SUPT16H: variants seen among roughly 807,000 people sequenced by gnomAD.
SUPT16H encodes SPT16 homolog, facilitates chromatin remodeling subunit.
A neutral mutation model predicts 136.2 loss-of-function variants in SUPT16H; 24 were observed. The ratio of observed to expected loss-of-function variants is 0.18; its 90% CI spans 0.13 to 0.25. The LOEUF is 0.25. Ranked by LOEUF, SUPT16H falls within the 10% of genes least tolerant of loss-of-function variation. The pLI is 1.00. For missense variants in SUPT16H, 623 were observed against 1,270.2 expected (o/e 0.49, Z 7.74); for synonymous variants, 415 against 428.2 (o/e 0.97, Z 0.38).
chr14:21,373,762 T>C (rs1886838086), intron 1 of SUPT16H, among the ~76,000 whole-genome samples: 1 of 152,136 alleles, frequency 6.6e-6, no homozygotes, highest in South Asian at 2.1e-4. Context: ...AGTTTGACTC[T>C]TGTTGCCCAG....
chr14:21,375,116 C>A (rs1357349905), intron 1 of SUPT16H, among the ~76,000 whole-genome samples: 1 of 151,964 alleles, frequency 6.6e-6, no homozygotes, highest in South Asian at 2.1e-4. Flanking sequence ...TAGGTTCAAG[C>A]GATTCTTGTG....
intron 1 of SUPT16H, 181 bp downstream of exon 1, chr14:21,383,681 G>A (rs774430089): frequency 1.4e-6 from 1 of 734,478 alleles, no homozygotes; most frequent in Non-Finnish European, 2.5e-6. Flanking sequence ...GAATGCGGGG[G>A]ATTCCCTGTT....
At position 21,363,298 on chromosome 14, in the gene SUPT16H, T is replaced by C; in HGVS notation, c.1330A>G (p.Lys444Glu). ...CCCAAAAGGTCCTCTGCCTCATCTT[T>C]CTCCTCCTCCTCTTCTTCCTCATCT... ...NEDEEEEEEE[K>E]DEAEDLLGRG... is the part of the protein sequence containing the mutation. Residue 444 changes from lysine (K) to glutamate (E), a missense_variant, in exon 12 of 26, where the codon AAA (lysine) becomes GAA (glutamate). Lys to Glu is a moderately conservative substitution (Grantham distance 56, BLOSUM62 1). Around this residue, in one of 7 missense-constraint regions of SUPT16H, gnomAD observed 343 missense variants for 525.7 expected, o/e 0.65. Transcript: ENST00000216297. 6.2e-7 allele frequency: 1 copy of C among 1,612,318 alleles called. No individual in the cohort carries two copies. The highest frequency in any genetic ancestry group is 8.5e-7 in the Non-Finnish European group (1 of 1,178,964).
At chr14:21,372,340 C>G (rs1474067058) in intron 2 of SUPT16H, 1 of 343,994 alleles carries the variant, frequency 2.9e-6, no homozygotes, top group African/African-American at 2.1e-5. Context: ...GGAAGTATAT[C>G]AATGTTTAGT....
chr14:21,366,472 G>A lies in SUPT16H; in HGVS notation c.1013C>T (p.Pro338Leu), dbSNP rs778018603. The A allele has an allele frequency of 6.2e-7, 1 of 1,614,002 alleles. No homozygotes were observed. Among genetic ancestry groups the A allele is most frequent in the South Asian group, 1.1e-5 (1 of 91,068 alleles). The change falls in exon 8 of 26, where the codon CCA (proline) becomes CTA (leucine). Residue 338 changes from proline to leucine, a missense_variant. Pro to Leu is a moderately conservative substitution (Grantham distance 98, BLOSUM62 -3). Coordinates refer to ENST00000216297, the MANE Select transcript of SUPT16H (RefSeq NM_007192.4). ...TTTGGTAATTTTGTTCAGCAGTTCT[G>A]GCTTCTGCTTTTTAACCACGTCCAT... ...AVMDVVKKQK[P>L]ELLNKITKNL...
rs372822403 is a variant in SUPT16H, at chr14:21,370,324, T to C, written c.483+12A>G. 1.2e-6 allele frequency: 2 copies of C among 1,610,062 alleles called. No individual in the cohort carries two copies. Among genetic ancestry groups the C allele is most frequent in the African/African-American group, 2.7e-5 (2 of 74,688 alleles). On this transcript the variant is annotated intron_variant, in intron 4 of 25. Coordinates refer to ENST00000216297, the MANE Select transcript of SUPT16H (RefSeq NM_007192.4). Reference sequence around the variant, plus strand: ...TCAACTCTTGATTTGCTATTTCCAGTAGTATTCTTACTTTGTCAAAGCCTT... The same window carrying C: ...TCAACTCTTGATTTGCTATTTCCAGCAGTATTCTTACTTTGTCAAAGCCTT...
intron 7 of SUPT16H, among the ~76,000 whole-genome samples, chr14:21,367,145 T>TA (rs1224135448): frequency 6.6e-6 from 1 of 152,192 alleles, no homozygotes; most frequent in Non-Finnish European, 1.5e-5. Context: ...TTCGCCGTGT[T>TA]AGCCAGGATG....
chr14:21,368,357 A>C lies in SUPT16H; in HGVS notation c.867T>G (p.Thr289=). 1 of 1,614,132 alleles carries C rather than the reference A, an allele frequency of 6.2e-7. No individual in the cohort carries two copies. The highest frequency in any genetic ancestry group is 8.5e-7 in the Non-Finnish European group (1 of 1,180,006). ...FKSYCSNLVR[T]LMVDPSQEVQ... is the part of the protein sequence containing the mutation. ...CTTCTTGAGAAGGATCAACCATCAA[A>C]GTGCGAACAAGGTTGGAGCAGTAAG... Residue 289 remains threonine, a synonymous_variant, in exon 7 of 26, where the codon ACT becomes ACG. Transcript: ENST00000216297.
rs200648907 is a variant in SUPT16H, at chr14:21,353,857, A to AT, written c.2791-26dup. On this transcript the variant is annotated intron_variant, in intron 23 of 25. Transcript: ENST00000216297. ...CCTGGTGAGTTAGAGCATAATACTG[A>AT]TTTTTTTTTGACATTTACCTTATTA... 4,152 of 1,579,936 alleles carry AT rather than the reference A, an allele frequency of 2.6e-3. 89 individuals are homozygous for AT. The African/African-American group carries it at 0.049, about 19-fold the overall frequency.
At chr14:21,375,581 G>T (rs114944476) in intron 1 of SUPT16H, among the ~76,000 whole-genome samples, 2,033 of 151,946 alleles carry the variant, frequency 0.013, 48 homozygotes, top group African/African-American at 0.047. Flanking sequence ...TTTTGAAGTG[G>T]TACAATTTAT....
chr14:21,380,622 C>T (rs1887002863), intron 1 of SUPT16H, among the ~76,000 whole-genome samples: 1 of 152,054 alleles, frequency 6.6e-6, no homozygotes, highest in Non-Finnish European at 1.5e-5. Context: ...CTTCCACTAC[C>T]CCAATCCTGA....
chr14:21,372,232 C>G, intron 2 of SUPT16H, 188 bp from the exon 3 acceptor site: 1 of 583,458 alleles, frequency 1.7e-6, no homozygotes, highest in Non-Finnish European at 2.9e-6. Context: ...TTTATTAGAA[C>G]AGGACAATGG....
intron 18 of SUPT16H, 112 bp downstream of exon 18, chr14:21,360,303 T>A (rs1886523940): frequency 3.8e-6 from 3 of 789,970 alleles, no homozygotes; most frequent in Non-Finnish European, 6.1e-6. Context: ...GCTGGGATTG[T>A]GGGCATGAGC....
intron 1 of SUPT16H, 186 bp downstream of exon 1, chr14:21,383,676 C>A (rs771046039): frequency 1.6e-5 from 12 of 727,546 alleles, no homozygotes; most frequent in South Asian, 6.0e-5. Context: ...AGGGTGAATG[C>A]GGGGGATTCC....
At chr14:21,356,501 T>C (rs563372693) in intron 22 of SUPT16H, among the ~76,000 whole-genome samples, 3 of 152,304 alleles carry the variant, frequency 2.0e-5, no homozygotes, top group Non-Finnish European at 2.9e-5. Context: ...TCCACACTAA[T>C]AGACATTTGA....
In SUPT16H at chr14:21,369,906, A is replaced by G; in HGVS notation, c.484-10T>C. The G allele has an allele frequency of 1.2e-6, 2 of 1,612,444 alleles. No individual in the cohort carries two copies. Among genetic ancestry groups the G allele is most frequent in the South Asian group, 2.2e-5 (2 of 90,788 alleles). On this transcript the variant is annotated splice_polypyrimidine_tract_variant and intron_variant, in intron 4 of 25. Transcript: ENST00000216297. ...CTGCACTGATATCTATCTGCAGTCA[A>G]AGTGACAAGAGTTTCTAACATGCAA... is the stretch of plus-strand genomic sequence containing the variant.
rs1344978423 is a variant in SUPT16H at position 21,369,312 on chromosome 14, A to G, written c.674T>C (p.Ile225Thr). The G allele has an allele frequency of 6.2e-7, 1 of 1,614,200 alleles. No individual in the cohort carries two copies. The highest frequency in any genetic ancestry group is 2.2e-5 in the East Asian group (1 of 44,880). The change falls in exon 6 of 26, where the codon ATT (isoleucine) becomes ACT (threonine). Residue 225 changes from isoleucine to threonine, a missense_variant. Physicochemically the swap from Ile to Thr is moderately conservative, Grantham distance 89. Around this residue, in one of 7 missense-constraint regions of SUPT16H, gnomAD observed 343 missense variants for 525.7 expected, o/e 0.65. Transcript: ENST00000216297. ...SKLAESVEKAIEEKKYLAGAD... is the reference protein window; with the variant it reads ...SKLAESVEKATEEKKYLAGAD... ...CCCAGCAAGGTATTTTTTCTCTTCA[A>G]TGGCCTTTTCCACAGACTCAGCCAG...
At position 21,367,167 on chromosome 14, in the gene SUPT16H, A is replaced by C. The variant is rs115048692; in HGVS notation, c.956-638T>G. Among the ~76,000 whole-genome samples the C allele has an allele frequency of 5.3e-5, 8 of 152,242 alleles. No homozygotes were observed. In the East Asian group the frequency reaches 1.5e-3, roughly 29 times the overall value. ...TGTTAGCCAGGATGGTCCTGACCTC[A>C]TGATCCGCCTACCTTGGCCTCCCAG... On this transcript the variant is annotated intron_variant, in intron 7 of 25. Coordinates refer to ENST00000216297, the MANE Select transcript of SUPT16H (RefSeq NM_007192.4).
chr14:21,355,421 A>C (rs1641333787), intron 22 of SUPT16H, among the ~76,000 whole-genome samples: 1 of 147,700 alleles, frequency 6.8e-6, no homozygotes, highest in African/African-American at 2.5e-5. Flanking sequence ...TGAACCTGGG[A>C]GGTGGAGGTT....
Sources: allele counts gnomAD v4.1 joint callset (sites outside exome capture counted in the v4.1 genomes callset), GRCh38; gene constraint gnomAD v4.1.1; regional missense constraint gnomAD v4.1.1; transcripts MANE v1.5; gene names NCBI Gene and HGNC (gene_info 2026-07-23, HGNC 2026-07-21).